The following PDE8B variants were observed in gnomAD, a reference collection of about 807,000 sequenced individuals.
The protein encoded by PDE8B is phosphodiesterase 8B, also known as high affinity cAMP-specific and IBMX-insensitive 3',5'-cyclic phosphodiesterase 8B.
A neutral mutation model predicts 101.3 loss-of-function variants in PDE8B; 26 were observed. The observed-to-expected ratio is 0.26, with a 90% CI of 0.19 to 0.36. The LOEUF is 0.36. Ranked by LOEUF, PDE8B falls within the 10% of genes least tolerant of loss-of-function variation. The probability of loss-of-function intolerance (pLI) is 1.00; values close to 1 mark genes in which losing one functional copy is unlikely to be tolerated. For missense variants in PDE8B, 810 were observed against 1,163.1 expected, an observed-to-expected ratio of 0.70 and a Z score of 4.42; for synonymous variants, 424 against 429.3, an observed-to-expected ratio of 0.99 and a Z score of 0.15.
At chr5:77,382,559 T>C (rs1347567130) in intron 10 of PDE8B, among the ~76,000 whole-genome samples, 1 of 152,162 alleles carries the variant, frequency 6.6e-6, no homozygotes, top group East Asian at 1.9e-4. Context: ...GTATTTCTCC[T>C]AATGCTGTCC....
intron 10 of PDE8B, 126 bp downstream of exon 10, chr5:77,353,532 G>A: frequency 1.4e-6 from 1 of 718,118 alleles, no homozygotes; most frequent in Non-Finnish European, 2.6e-6. Flanking sequence ...CAATTAAGCA[G>A]ATTTATGGGA....
intron 7 of PDE8B, 117 bp downstream of exon 7, chr5:77,345,048 G>T: frequency 1.3e-6 from 1 of 756,732 alleles, no homozygotes; most frequent in East Asian, 2.5e-5. Context: ...TTTCTTAGGA[G>T]AAATAAATAT....
intron 10 of PDE8B, among the ~76,000 whole-genome samples, chr5:77,390,811 G>T (rs1789754937): frequency 6.6e-6 from 1 of 152,194 alleles, no homozygotes; most frequent in Non-Finnish European, 1.5e-5. Flanking sequence ...CAGAGCAAAT[G>T]GTTTTAGAGC....
At chr5:77,115,504 A>G in the PDE8B span, among the ~76,000 whole-genome samples, 6 of 152,376 alleles carry the variant, frequency 3.9e-5, no homozygotes, top group South Asian at 6.2e-4. Context: ...GAAGAAGCTG[A>G]TAAGAAGGAA....
At chr5:77,390,112 A>T (rs1789598914) in intron 10 of PDE8B, among the ~76,000 whole-genome samples, 1 of 152,194 alleles carries the variant, frequency 6.6e-6, no homozygotes, top group Non-Finnish European at 1.5e-5. Flanking sequence ...AATTTTAGAC[A>T]TTCTGGTGGG....
intron 1 of PDE8B, among the ~76,000 whole-genome samples, chr5:77,252,172 A>T (rs937918121): frequency 1.3e-5 from 2 of 152,214 alleles, no homozygotes; most frequent in Admixed American, 1.3e-4. Context: ...GCAGGCTGAC[A>T]GTCCACCCCA....
At chr5:77,296,674 GA>G (rs1398249156) in intron 1 of PDE8B, among the ~76,000 whole-genome samples, 1 of 152,148 alleles carries the variant, frequency 6.6e-6, no homozygotes, top group Non-Finnish European at 1.5e-5. Flanking sequence ...GTGCTATCTT[GA>G]CATTTCTTGA....
At chr5:77,279,750 T>C (rs1764591765) in intron 1 of PDE8B, among the ~76,000 whole-genome samples, 1 of 152,202 alleles carries the variant, frequency 6.6e-6, no homozygotes, top group Non-Finnish European at 1.5e-5. Context: ...ACTTCCAAAG[T>C]CTGCACTTGA....
At chr5:77,377,785 G>A (rs1476476538) in intron 10 of PDE8B, among the ~76,000 whole-genome samples, 2 of 152,176 alleles carry the variant, frequency 1.3e-5, no homozygotes, top group Non-Finnish European at 1.5e-5. Context: ...GGCAGTGGAA[G>A]TGCAAATTTG....
At chr5:77,212,040 G>C (rs1414547296) in intron 1 of PDE8B, among the ~76,000 whole-genome samples, 6 of 152,210 alleles carry the variant, frequency 3.9e-5, no homozygotes, top group Non-Finnish European at 8.8e-5. Context: ...AAATTGTTTA[G>C]ATGGTTAAAG....
At chr5:77,292,490 C>T (rs879901704) in intron 1 of PDE8B, among the ~76,000 whole-genome samples, 1 of 152,216 alleles carries the variant, frequency 6.6e-6, no homozygotes, top group Non-Finnish European at 1.5e-5. Flanking sequence ...TCCTCTCCCT[C>T]TAGCAGGGTA....
At chr5:77,338,323 A>G (rs954251969) in intron 6 of PDE8B, among the ~76,000 whole-genome samples, 12 of 152,360 alleles carry the variant, frequency 7.9e-5, no homozygotes, top group African/African-American at 2.9e-4. Context: ...ATAAACCCAG[A>G]GAAGCAGGTT....
chr5:77,114,194 A>G, the PDE8B span: 1 of 152,184 alleles, frequency 6.6e-6, no homozygotes, highest in Admixed American at 6.5e-5. Flanking sequence ...TCATGCTACT[A>G]TGAAGACACA....
chr5:77,204,050 G>GTTTTTTTT, the PDE8B span, among the ~76,000 whole-genome samples: 8 of 113,592 alleles, frequency 7.0e-5, no homozygotes, highest in African/African-American at 1.1e-4. Flanking sequence ...TGTACCCTTA[G>GTTTTTTTT]TTTTTTTTTT....
At chr5:77,357,379 A>G (rs1437124969) in intron 10 of PDE8B, among the ~76,000 whole-genome samples, 1 of 152,200 alleles carries the variant, frequency 6.6e-6, no homozygotes, top group Non-Finnish European at 1.5e-5. Context: ...TGGGTTTCCC[A>G]ACCATGGGTT....
chr5:77,369,016 A>C (rs1165909455), intron 10 of PDE8B, among the ~76,000 whole-genome samples: 1 of 152,076 alleles, frequency 6.6e-6, no homozygotes, highest in African/African-American at 2.4e-5. Context: ...CAGCCTGGCC[A>C]ACATGGTGAA....
intron 20 of PDE8B, among the ~76,000 whole-genome samples, chr5:77,424,851 G>T (rs1797647817): frequency 6.8e-6 from 1 of 146,332 alleles, no homozygotes. Flanking sequence ...TGTGAGACAA[G>T]ATCTCACTCT....
intron 3 of PDE8B, among the ~76,000 whole-genome samples, chr5:77,326,617 C>T (rs1776105856): frequency 6.6e-6 from 1 of 152,098 alleles, no homozygotes; most frequent in Non-Finnish European, 1.5e-5. Context: ...GTTTTAATGG[C>T]TTCAAATAAT....
chr5:77,256,546 A>G (rs1199796669), intron 1 of PDE8B, among the ~76,000 whole-genome samples: 1 of 152,188 alleles, frequency 6.6e-6, no homozygotes, highest in African/African-American at 2.4e-5. Flanking sequence ...TAGTGCTATG[A>G]TCATGCCACT....
Sources: gnomAD v4.1 joint callset for allele counts (sites outside exome capture counted in the v4.1 genomes callset) on GRCh38, gnomAD v4.1.1 for gene constraint, MANE v1.5 for transcripts, NCBI Gene and HGNC (gene_info 2026-07-23, HGNC 2026-07-21) for gene names.